KIF2A: variants seen among roughly 807,000 people sequenced by gnomAD.
KIF2A encodes kinesin-like protein KIF2A.
KIF2A carries 22 observed loss-of-function variants against 100.2 expected under a neutral mutation model. That is an observed-to-expected ratio of 0.22 (90% CI 0.16 to 0.31). KIF2A has a LOEUF of 0.31. Among genes scored for constraint, KIF2A ranks in the 10% least tolerant of loss-of-function variants. The pLI, the probability that KIF2A is intolerant of heterozygous loss-of-function variation, is 1.00. For missense variants in KIF2A, 495 were observed against 898.7 expected (o/e 0.55, Z 5.74); for synonymous variants, 268 against 285.9 (o/e 0.94, Z 0.63).
At chr5:62,384,905 G>A (rs1007094791) in intron 20 of KIF2A, among the ~76,000 whole-genome samples, 2 of 152,216 alleles carry the variant, frequency 1.3e-5, no homozygotes, top group Non-Finnish European at 2.9e-5. Flanking sequence ...CACTTTGGGA[G>A]GCCAAGGCGG....
At chr5:62,337,061 ATCT>A (rs35000821) in intron 1 of KIF2A, among the ~76,000 whole-genome samples, 37,243 of 152,056 alleles carry the variant, frequency 0.24, 4,615 homozygotes, top group Middle Eastern at 0.3. Context: ...AGGAAATTGG[ATCT>A]TCTTATAATA....
At chr5:62,320,023 T>C in intron 1 of KIF2A, among the ~76,000 whole-genome samples, 1 of 152,168 alleles carries the variant, frequency 6.6e-6, no homozygotes, top group Non-Finnish European at 1.5e-5. Context: ...TTTTCATTTT[T>C]CAGGAAAATC....
intron 1 of KIF2A, among the ~76,000 whole-genome samples, chr5:62,312,804 G>A (rs1745619020): frequency 6.6e-6 from 1 of 152,214 alleles, no homozygotes; most frequent in South Asian, 2.1e-4. Context: ...GCTGAGCATG[G>A]TAGTTCATGC....
At chr5:62,335,809 C>G (rs1746915010) in intron 1 of KIF2A, among the ~76,000 whole-genome samples, 1 of 152,130 alleles carries the variant, frequency 6.6e-6, no homozygotes, top group Admixed American at 6.5e-5. Context: ...ATGACATTTT[C>G]TGTACTAATT....
At chr5:62,346,805 A>G (rs917450659) in intron 1 of KIF2A, among the ~76,000 whole-genome samples, 26 of 152,240 alleles carry the variant, frequency 1.7e-4, no homozygotes, top group African/African-American at 6.3e-4. Flanking sequence ...GCTCATAGTA[A>G]GGACACTTTC....
chr5:62,340,594 T>C (rs1336724499), intron 1 of KIF2A, among the ~76,000 whole-genome samples: 4 of 150,766 alleles, frequency 2.7e-5, no homozygotes, highest in Non-Finnish European at 5.9e-5. Context: ...GTTCTCCCCC[T>C]AGTGGCATCA....
chr5:62,333,077 C>G (rs1385516891), intron 1 of KIF2A, among the ~76,000 whole-genome samples: 3 of 152,204 alleles, frequency 2.0e-5, no homozygotes, highest in Non-Finnish European at 4.4e-5. Flanking sequence ...TACTGTGATT[C>G]TAACAGTCTA....
At chr5:62,331,101 T>TA (rs1746615787) in intron 1 of KIF2A, among the ~76,000 whole-genome samples, 1 of 152,182 alleles carries the variant, frequency 6.6e-6, no homozygotes, top group African/African-American at 2.4e-5. Context: ...TTATACATAT[T>TA]TAGGTTTTGA....
At chr5:62,349,774 T>C (rs553909502) in intron 3 of KIF2A, among the ~76,000 whole-genome samples, 2 of 152,276 alleles carry the variant, frequency 1.3e-5, no homozygotes, top group South Asian at 2.1e-4. Flanking sequence ...TCCTCATCGA[T>C]GAGATGGGAA....
intron 1 of KIF2A, among the ~76,000 whole-genome samples, chr5:62,330,403 A>G (rs747597963): frequency 1.3e-5 from 2 of 152,238 alleles, no homozygotes; most frequent in Non-Finnish European, 2.9e-5. Context: ...GTTTTGATCA[A>G]TCACCTGATA....
intron 1 of KIF2A, among the ~76,000 whole-genome samples, chr5:62,326,741 A>G (rs1342483924): frequency 6.6e-6 from 1 of 151,932 alleles, no homozygotes; most frequent in African/African-American, 2.4e-5. Flanking sequence ...CACACCTATA[A>G]TCCCAGCACT....
rs767638932 is a variant in KIF2A at position 62,348,070 on chromosome 5, C to T, written c.182C>T (p.Ser61Leu). 2 of 1,613,812 alleles carry T rather than the reference C, an allele frequency of 1.2e-6. No homozygotes were observed. The highest frequency in any genetic ancestry group is 4.5e-5 in the East Asian group (2 of 44,866). Residue 61 changes from serine (S) to leucine (L), a missense_variant, in exon 3 of 21, where the codon TCA becomes TTA. By Grantham distance (145) the Ser-to-Leu change is moderately radical. This residue lies in a region of KIF2A where 115 missense variants were observed against 143.6 expected (regional missense o/e 0.80). Transcript: ENST00000407818. ...GKEIDLESIF[S>L]LNPDLVPDEE... Reference sequence around the variant, plus strand: ...CAGATTGACCTGGAGAGCATCTTTTCACTTAACCCTGACCTTGTTCCTGAT... The same window carrying T: ...CAGATTGACCTGGAGAGCATCTTTTTACTTAACCCTGACCTTGTTCCTGAT...
intron 1 of KIF2A, among the ~76,000 whole-genome samples, chr5:62,340,919 G>C (rs973573907): frequency 1.3e-5 from 2 of 152,044 alleles, no homozygotes; most frequent in Non-Finnish European, 2.9e-5. Context: ...GGGTAAAGTT[G>C]GTTTTTAAAA....
intron 1 of KIF2A, among the ~76,000 whole-genome samples, chr5:62,325,755 A>T (rs1429914689): frequency 5.3e-5 from 8 of 152,242 alleles, no homozygotes. Context: ...AATAACTTAA[A>T]GCTATTCAAC....
chr5:62,343,497 G>A (rs906818129), intron 1 of KIF2A, among the ~76,000 whole-genome samples: 8 of 152,152 alleles, frequency 5.3e-5, no homozygotes, highest in African/African-American at 1.2e-4. Context: ...CAGGTAATGC[G>A]GGTCAGATCA....
At chr5:62,381,300 A>T in intron 20 of KIF2A, 47 bp downstream of exon 20, 1 of 1,544,068 alleles carries the variant, frequency 6.5e-7, no homozygotes, top group South Asian at 1.1e-5. Context: ...TGGTATTGGT[A>T]TGTATATTGG....
chr5:62,367,526 C>A (rs1237842124), intron 16 of KIF2A, among the ~76,000 whole-genome samples: 5 of 152,130 alleles, frequency 3.3e-5, no homozygotes, highest in African/African-American at 1.2e-4. Flanking sequence ...CTCGGCCTCC[C>A]AAAGTGCTAG....
chr5:62,343,075 A>C (rs948413652), intron 1 of KIF2A, among the ~76,000 whole-genome samples: 1 of 152,164 alleles, frequency 6.6e-6, no homozygotes, highest in Non-Finnish European at 1.5e-5. Flanking sequence ...TTCTGTGCTC[A>C]GTCCTCTTTC....
chr5:62,308,564 A>G, intron 1 of KIF2A: 1 of 702,458 alleles, frequency 1.4e-6, no homozygotes, highest in Non-Finnish European at 2.6e-6. Context: ...ATGTGTGTGT[A>G]TAGACAATGT....
Sources: gnomAD v4.1 joint callset for allele counts (sites outside exome capture counted in the v4.1 genomes callset) on GRCh38, gnomAD v4.1.1 for gene constraint, gnomAD v4.1.1 regional missense constraint, MANE v1.5 for transcripts, NCBI Gene and HGNC (gene_info 2026-07-23, HGNC 2026-07-21) for gene names.